Variants in TMBIM4 observed in about 807,000 individuals in gnomAD.
The protein encoded by TMBIM4 is transmembrane BAX inhibitor motif containing 4.
Under a neutral mutation model 27.7 loss-of-function variants are expected in TMBIM4, and 28 were observed. The observed-to-expected ratio is 1.01, with a 90% confidence interval of 0.75 to 1.38. The LOEUF is 1.38. Among genes scored for constraint, TMBIM4 ranks in the 40% most tolerant of loss-of-function variants. The probability of loss-of-function intolerance (pLI) is 0.00; values close to 1 mark genes in which losing one functional copy is unlikely to be tolerated. For synonymous variants in TMBIM4, 115 were observed against 113.1 expected, an observed-to-expected ratio of 1.02 and a Z score of -0.11; for missense variants, 265 against 277.5, an observed-to-expected ratio of 0.95 and a Z score of 0.32.
chr12:66,145,271 G>A (rs907893213), intron 5 of TMBIM4: 2 of 152,156 alleles, frequency 1.3e-5, no homozygotes, highest in African/African-American at 2.4e-5. Context: ...AAAAGAAAAC[G>A]GTTGGGTGAC....
intron 2 of TMBIM4, among the ~76,000 whole-genome samples, chr12:66,152,767 C>A (rs1033536021): frequency 2.6e-5 from 4 of 151,988 alleles, no homozygotes; most frequent in African/African-American, 9.7e-5. Context: ...ACATAGCAAA[C>A]TAATAGTTCA....
At chr12:66,157,564 A>C (rs2051958392) in intron 1 of TMBIM4, among the ~76,000 whole-genome samples, 1 of 152,216 alleles carries the variant, frequency 6.6e-6, no homozygotes, top group African/African-American at 2.4e-5. Flanking sequence ...GGGCGCTGCC[A>C]TACCAAACAC....
chr12:66,154,466 A>C (rs1434797045), intron 1 of TMBIM4, among the ~76,000 whole-genome samples: 1 of 152,268 alleles, frequency 6.6e-6, no homozygotes, highest in Non-Finnish European at 1.5e-5. Flanking sequence ...CTTTTAAATA[A>C]ACTTTCATTA....
chr12:66,163,663 A>C (rs1362459183), intron 1 of TMBIM4, among the ~76,000 whole-genome samples: 2 of 152,234 alleles, frequency 1.3e-5, no homozygotes, highest in Non-Finnish European at 2.9e-5. Flanking sequence ...GGATGATGGG[A>C]ATGACAACTC....
intron 5 of TMBIM4, chr12:66,139,581 T>TG (rs2051633697): frequency 4.4e-6 from 2 of 455,710 alleles, no homozygotes; most frequent in African/African-American, 4.0e-5. Flanking sequence ...TACAGTCACT[T>TG]GCGGTCTCCT....
chr12:66,151,827 A>G (rs543087896), intron 3 of TMBIM4, among the ~76,000 whole-genome samples: 6 of 152,230 alleles, frequency 3.9e-5, no homozygotes, highest in Admixed American at 2.0e-4. Context: ...GATCAGAGTG[A>G]TAAGATAATA....
intron 1 of TMBIM4, 136 bp downstream of exon 1, chr12:66,169,719 G>A: frequency 1.7e-6 from 1 of 602,682 alleles, no homozygotes; most frequent in Non-Finnish European, 2.7e-6. Context: ...CCCGGAGAAG[G>A]AGGGCCGGGA....
intron 3 of TMBIM4, among the ~76,000 whole-genome samples, chr12:66,151,171 T>C (rs200918488): frequency 1.0e-4 from 4 of 38,834 alleles, no homozygotes; most frequent in African/African-American, 8.6e-4. Flanking sequence ...ATTCATAAAC[T>C]TTTTAGTTTA....
At position 66,136,071 on chromosome 12, in the gene TMBIM4, T is replaced by TAAAAAAAAAAAAAAAAAAAAAAAAAAAAA. The variant is rs1156929097; in HGVS notation, c.*1888_*1889insTTTTTTTTTTTTTTTTTTTTTTTTTTTTT. 2 of 15,216 alleles carry TAAAAAAAAAAAAAAAAAAAAAAAAAAAAA rather than the reference T, an allele frequency of 1.3e-4. No homozygotes were observed. The highest frequency in any genetic ancestry group is 1.8e-4 in the Non-Finnish European group (2 of 10,910). The allele number at this position is 15,216 out of a possible 1,614,324, so 0.9% of individuals were successfully genotyped here. ...AAGAATTATCAATAAAAAAATAAAT[T>TAAAAAAAAAAAAAAAAAAAAAAAAAAAAA]AAAAAAAAAAAAAAAAAAAAAAAAA... On this transcript the variant is annotated 3_prime_UTR_variant, in exon 7 of 7. Coordinates refer to ENST00000358230, the MANE Select transcript of TMBIM4 (RefSeq NM_016056.4).
chr12:66,158,571 G>A lies in TMBIM4; in HGVS notation c.98-5123C>T, dbSNP rs566001181. Among the ~76,000 whole-genome samples, 55 of 152,062 alleles carry A rather than the reference G, an allele frequency of 3.6e-4. No homozygotes were observed. The South Asian group carries it at 9.5e-3, about 26-fold the overall frequency. ...GAATCGCTTGAACCAGGGAGTCGGAGGGAGTCAGAGCTTGCAGTGAGCGGA... is the reference window on the plus strand; with the variant it reads ...GAATCGCTTGAACCAGGGAGTCGGAAGGAGTCAGAGCTTGCAGTGAGCGGA... On this transcript the variant is annotated intron_variant, in intron 1 of 6. Transcript: ENST00000358230.
chr12:66,163,991 G>C (rs1373622555), intron 1 of TMBIM4, among the ~76,000 whole-genome samples: 1 of 152,178 alleles, frequency 6.6e-6, no homozygotes, highest in Non-Finnish European at 1.5e-5. Flanking sequence ...CCACCAACCA[G>C]TATTCCTGGA....
intron 1 of TMBIM4, among the ~76,000 whole-genome samples, chr12:66,155,830 A>C (rs2051927034): frequency 6.6e-6 from 1 of 152,264 alleles, no homozygotes; most frequent in African/African-American, 2.4e-5. Flanking sequence ...TGCATATGTA[A>C]TAAAAGACTA....
At chr12:66,149,779 C>T (rs1045258855) in intron 3 of TMBIM4, among the ~76,000 whole-genome samples, 6 of 152,088 alleles carry the variant, frequency 3.9e-5, no homozygotes, top group African/African-American at 1.4e-4. Flanking sequence ...TCTGAAATTT[C>T]GTGGTTGCAT....
chr12:66,150,373 CCTTT>C (rs981041848), intron 3 of TMBIM4, among the ~76,000 whole-genome samples: 2 of 151,998 alleles, frequency 1.3e-5, no homozygotes, highest in Non-Finnish European at 2.9e-5. Flanking sequence ...CTTTCTCTCT[CCTTT>C]CTTCCTTCCT....
intron 5 of TMBIM4, among the ~76,000 whole-genome samples, chr12:66,140,486 AAAAAC>A (rs752456674): frequency 2.0e-5 from 3 of 152,210 alleles, no homozygotes; most frequent in Admixed American, 6.5e-5. Context: ...AACAAACAAA[AAAAAC>A]AGAACAGTGA....
intron 5 of TMBIM4, among the ~76,000 whole-genome samples, chr12:66,143,288 T>G (rs2051697438): frequency 6.6e-6 from 1 of 152,180 alleles, no homozygotes; most frequent in Admixed American, 6.5e-5. Context: ...TAGTGCTGAT[T>G]TTGCTATTCT....
At chr12:66,164,951 G>T (rs1481003139) in intron 1 of TMBIM4, among the ~76,000 whole-genome samples, 8 of 152,062 alleles carry the variant, frequency 5.3e-5, no homozygotes, top group Admixed American at 4.6e-4. Context: ...AGGTTGGAAA[G>T]AAAGTTAAGA....
Position 66,147,953 on chromosome 12 carries a change from A to T in TMBIM4, c.313-12T>A, listed in dbSNP as rs771555984. 4.3e-6 allele frequency: 7 copies of T among 1,609,690 alleles called. No individual in the cohort carries two copies. The African/African-American group carries it at 9.3e-5, about 21-fold the overall frequency. On this transcript the variant is annotated splice_polypyrimidine_tract_variant and intron_variant, in intron 3 of 6. Coordinates refer to ENST00000358230, the MANE Select transcript of TMBIM4 (RefSeq NM_016056.4). Reference sequence around the variant, plus strand: ...GCTTCCAACAGCGTCTAATGAAAAGAAACTTAAATTAGTGACTGTAAAATT... The same window carrying T: ...GCTTCCAACAGCGTCTAATGAAAAGTAACTTAAATTAGTGACTGTAAAATT...
At chr12:66,155,980 CT>C (rs2051929390) in intron 1 of TMBIM4, among the ~76,000 whole-genome samples, 1 of 152,228 alleles carries the variant, frequency 6.6e-6, no homozygotes, top group East Asian at 1.9e-4. Context: ...TTTAAAGAAA[CT>C]CGTGCTAAGC....
Sources: gnomAD v4.1 joint callset for allele counts (sites outside exome capture counted in the v4.1 genomes callset) on GRCh38, gnomAD v4.1.1 for gene constraint, MANE v1.5 for transcripts, NCBI Gene and HGNC (gene_info 2026-07-23, HGNC 2026-07-21) for gene names.